FILIP1L: variants seen among roughly 807,000 people sequenced by gnomAD.
FILIP1L encodes the protein filamin A-interacting protein 1-like.
In FILIP1L, 55 loss-of-function variants were observed where a neutral mutation model predicts 96.6. That is an observed-to-expected ratio of 0.57 (90% CI 0.46 to 0.71). FILIP1L has a LOEUF of 0.71. FILIP1L is among the 30% of genes least tolerant of loss of function. FILIP1L has a pLI of 0.00. For missense variants in FILIP1L, 1,304 were observed against 1,321.2 expected (o/e 0.99, Z 0.20); for synonymous variants, 467 against 473.9 (o/e 0.99, Z 0.19).
intron 1 of FILIP1L, among the ~76,000 whole-genome samples, chr3:99,984,991 G>A (rs1449784921): frequency 2.0e-5 from 3 of 152,138 alleles, no homozygotes; most frequent in Non-Finnish European, 2.9e-5. Flanking sequence ...GAGATAACTC[G>A]TGTTAAAAAT....
At chr3:100,089,728 C>G (rs2066071350) in intron 1 of FILIP1L, among the ~76,000 whole-genome samples, 1 of 152,170 alleles carries the variant, frequency 6.6e-6, no homozygotes, top group South Asian at 2.1e-4. Flanking sequence ...AGTAAGAATT[C>G]ATTGCTCGTT....
chr3:99,897,219 T>C (rs978151270), intron 4 of FILIP1L, among the ~76,000 whole-genome samples: 1 of 151,680 alleles, frequency 6.6e-6, no homozygotes, highest in African/African-American at 2.4e-5. Context: ...ATTAACCGGG[T>C]GTTGTGGTGC....
intron 4 of FILIP1L, among the ~76,000 whole-genome samples, chr3:99,906,369 A>C (rs1318755053): frequency 6.6e-6 from 1 of 152,084 alleles, no homozygotes; most frequent in Non-Finnish European, 1.5e-5. Flanking sequence ...TTGGGTTGTC[A>C]GTCTTATTTT....
intron 5 of FILIP1L, among the ~76,000 whole-genome samples, chr3:99,841,896 C>T (rs944519337): frequency 1.3e-5 from 2 of 152,096 alleles, no homozygotes; most frequent in East Asian, 3.9e-4. Context: ...AGAATGTAAA[C>T]TAGTACGAGC....
At position 99,851,930 on chromosome 3, in the gene FILIP1L, G is replaced by A. The variant is rs576497574; in HGVS notation, c.606-860C>T. Among the ~76,000 whole-genome samples, 80 of 152,266 alleles carry A rather than the reference G, an allele frequency of 5.3e-4. No homozygotes were observed. In the South Asian group the frequency reaches 0.012, roughly 23 times the overall value. On this transcript the variant is annotated intron_variant, in intron 4 of 5. Transcript: ENST00000477258. ...TTCATAACATTTGAGAAGAGCATGC[G>A]GTTTGGTAGGAAAGTGCTTATTGAT...
chr3:99,878,980 T>A (rs1705630622), intron 4 of FILIP1L, among the ~76,000 whole-genome samples: 1 of 152,228 alleles, frequency 6.6e-6, no homozygotes, highest in South Asian at 2.1e-4. Context: ...AATAGTAGAG[T>A]TATGATCACT....
chr3:99,921,600 A>G (rs1707126019), intron 4 of FILIP1L, among the ~76,000 whole-genome samples: 1 of 152,182 alleles, frequency 6.6e-6, no homozygotes, highest in African/African-American at 2.4e-5. Context: ...ATAGATGAAT[A>G]TTCTCATATC....
At chr3:99,972,661 T>C (rs1408521498) in intron 1 of FILIP1L, among the ~76,000 whole-genome samples, 2 of 152,130 alleles carry the variant, frequency 1.3e-5, no homozygotes, top group South Asian at 4.1e-4. Flanking sequence ...CACCACCCTG[T>C]TGGGAAAGAT....
chr3:100,022,401 G>A (rs2064842623), intron 1 of FILIP1L, among the ~76,000 whole-genome samples: 5 of 152,132 alleles, frequency 3.3e-5, no homozygotes, highest in Admixed American at 2.6e-4. Context: ...GCTTGTTACG[G>A]CACAACTCTG....
intron 5 of FILIP1L, among the ~76,000 whole-genome samples, chr3:99,834,142 C>CT (rs1419579956): frequency 6.6e-6 from 1 of 152,112 alleles, no homozygotes; most frequent in Non-Finnish European, 1.5e-5. Context: ...GCTTTTTTCT[C>CT]TTGATTTTTC....
intron 5 of FILIP1L, among the ~76,000 whole-genome samples, chr3:99,837,011 T>G (rs777377815): frequency 2.0e-5 from 3 of 152,176 alleles, no homozygotes; most frequent in Non-Finnish European, 4.4e-5. Context: ...AGGTTTGGCC[T>G]AAAAAAATAG....
intron 1 of FILIP1L, among the ~76,000 whole-genome samples, chr3:100,091,633 C>T (rs2066111919): frequency 6.6e-6 from 1 of 152,162 alleles, no homozygotes; most frequent in Admixed American, 6.6e-5. Context: ...TTCTCAATTT[C>T]CCACATAATC....
At chr3:100,110,175 A>G (rs1447872920) in intron 1 of FILIP1L, 1 of 152,098 alleles carries the variant, frequency 6.6e-6, no homozygotes, top group Non-Finnish European at 1.5e-5. Flanking sequence ...CTTAGAATCT[A>G]AAACTGGAGG....
chr3:99,856,748 A>G (rs1207259252), intron 4 of FILIP1L, among the ~76,000 whole-genome samples: 1 of 152,188 alleles, frequency 6.6e-6, no homozygotes, highest in Non-Finnish European at 1.5e-5. Flanking sequence ...TGATACACTC[A>G]GAGGGTTTTT....
intron 1 of FILIP1L, among the ~76,000 whole-genome samples, chr3:100,092,272 T>A (rs769703026): frequency 6.6e-6 from 1 of 152,212 alleles, no homozygotes; most frequent in Non-Finnish European, 1.5e-5. Context: ...GTTGACATGC[T>A]GGCTAAAGAT....
chr3:99,832,918 T>C (rs1942744102), intron 5 of FILIP1L, among the ~76,000 whole-genome samples: 1 of 150,522 alleles, frequency 6.6e-6, no homozygotes, highest in Non-Finnish European at 1.5e-5. Flanking sequence ...AAATGAGGTA[T>C]GGAGCATTAA....
intron 1 of FILIP1L, among the ~76,000 whole-genome samples, chr3:99,988,956 G>C (rs1709433751): frequency 6.6e-6 from 1 of 152,222 alleles, no homozygotes; most frequent in South Asian, 2.1e-4. Flanking sequence ...GGAATTATCA[G>C]AAGTGTAGTG....
intron 1 of FILIP1L, among the ~76,000 whole-genome samples, chr3:99,947,187 G>T (rs575349812): frequency 6.6e-6 from 1 of 151,304 alleles, no homozygotes. Flanking sequence ...TGAAAAATGG[G>T]GAAGCAGGCA....
chr3:99,959,070 AAC>A (rs1333932139), intron 1 of FILIP1L, among the ~76,000 whole-genome samples: 2 of 152,218 alleles, frequency 1.3e-5, no homozygotes, highest in Non-Finnish European at 2.9e-5. Flanking sequence ...AGAATTTGAA[AAC>A]ACATCAGGAT....
Sources: gnomAD v4.1 joint callset for allele counts (sites outside exome capture counted in the v4.1 genomes callset) on GRCh38, gnomAD v4.1.1 for gene constraint, MANE v1.5 for transcripts, NCBI Gene and HGNC (gene_info 2026-07-23, HGNC 2026-07-21) for gene names.